EML1: variants seen among roughly 807,000 people sequenced by gnomAD.
The protein encoded by EML1 is echinoderm microtubule-associated protein-like 1.
Under a neutral mutation model 110.4 loss-of-function variants are expected in EML1, and 27 were observed. That is an observed-to-expected ratio of 0.24 (90% CI 0.18 to 0.34). EML1 has a LOEUF of 0.34. Among genes scored for constraint, EML1 ranks in the 10% least tolerant of loss-of-function variants. The pLI is 1.00. For synonymous variants in EML1, 344 were observed against 385.8 expected, an observed-to-expected ratio of 0.89 and a Z score of 1.27; for missense variants, 741 against 1,030.9, an observed-to-expected ratio of 0.72 and a Z score of 3.85.
chr14:99,821,177 C>T (rs561713841), intron 1 of EML1, among the ~76,000 whole-genome samples: 1 of 152,210 alleles, frequency 6.6e-6, no homozygotes, highest in South Asian at 2.1e-4. Flanking sequence ...CATGTGCCAC[C>T]ATGCCTGGCT....
At chr14:99,753,135 G>A (rs1169509606) in intron 1 of EML1, among the ~76,000 whole-genome samples, 1 of 151,312 alleles carries the variant, frequency 6.6e-6, no homozygotes, top group African/African-American at 2.4e-5. Flanking sequence ...AGACACCTGA[G>A]GTTGATGCCT....
intron 1 of EML1, among the ~76,000 whole-genome samples, chr14:99,848,941 C>G (rs2058746158): frequency 7.0e-6 from 1 of 143,212 alleles, no homozygotes; most frequent in Non-Finnish European, 1.5e-5. Context: ...GCAGCCTGGG[C>G]AACGGAGTAA....
At chr14:99,884,318 G>A (rs1029520526) in intron 4 of EML1, among the ~76,000 whole-genome samples, 5 of 152,204 alleles carry the variant, frequency 3.3e-5, no homozygotes, top group South Asian at 2.1e-4. Context: ...CCTGAAAAGC[G>A]AGGAATCAGA....
At chr14:99,864,760 G>A (rs954027040) in intron 2 of EML1, among the ~76,000 whole-genome samples, 2 of 148,800 alleles carry the variant, frequency 1.3e-5, no homozygotes, top group African/African-American at 5.0e-5. Context: ...GGCTGAGATT[G>A]TGCCACTGCA....
At chr14:99,801,353 T>C (rs1017078967) in intron 1 of EML1, among the ~76,000 whole-genome samples, 13 of 152,128 alleles carry the variant, frequency 8.5e-5, no homozygotes, top group African/African-American at 2.4e-4. Flanking sequence ...CGGTGGCTCA[T>C]GCCTGTAATC....
At position 99,787,264 on chromosome 14, in the gene EML1, G is replaced by C. The variant is rs145798378; in HGVS notation, c.-27+13251G>C. Among the ~76,000 whole-genome samples the C allele has an allele frequency of 4.4e-3, 589 of 135,238 alleles. 7 individuals are homozygous for C. The highest frequency in any genetic ancestry group is 0.016 in the African/African-American group (568 of 36,292). 88.7% of individuals were successfully genotyped at this position (135,238 alleles called of 152,430 possible). A position where few individuals can be genotyped will look rare whatever the true frequency, so the allele number is the denominator to read the frequency against. The stretch of plus-strand genomic sequence containing the variant: ...TGGAATAGTCAATTCTTGACTCTGA[G>C]ATTCTTTTTTTTTTTTTTTTTTTTT... On this transcript the variant is annotated intron_variant, in intron 1 of 22. Coordinates refer to the EML1 transcript ENST00000327921.
chr14:99,896,656 CAAAAT>C (rs1437541032), intron 6 of EML1, among the ~76,000 whole-genome samples: 8 of 151,770 alleles, frequency 5.3e-5, no homozygotes, highest in Admixed American at 3.9e-4. Context: ...ATTTTGTTCT[CAAAAT>C]AAAATAATTT....
chr14:99,909,141 G>A (rs2140045157), intron 10 of EML1, among the ~76,000 whole-genome samples: 2 of 152,338 alleles, frequency 1.3e-5, no homozygotes, highest in East Asian at 1.9e-4. Flanking sequence ...TCCAGTGGGG[G>A]AGACAGACAA....
At chr14:99,870,766 C>A (rs557953132) in intron 3 of EML1, among the ~76,000 whole-genome samples, 1 of 152,274 alleles carries the variant, frequency 6.6e-6, no homozygotes, top group Non-Finnish European at 1.5e-5. Context: ...ATATTCTTAG[C>A]CCATTGTTGA....
chr14:99,930,593 T>G (rs769034276), intron 17 of EML1, among the ~76,000 whole-genome samples: 49 of 152,230 alleles, frequency 3.2e-4, no homozygotes, highest in Admixed American at 1.6e-3. Flanking sequence ...TCACAACCAG[T>G]CAGCTAAGTG....
chr14:99,762,180 G>A (rs1206211494), intron 1 of EML1, among the ~76,000 whole-genome samples: 1 of 152,066 alleles, frequency 6.6e-6, no homozygotes, highest in African/African-American at 2.4e-5. Flanking sequence ...GTCTTCCTCT[G>A]TATCACAGGG....
At chr14:99,842,653 A>G (rs2058651038) in intron 1 of EML1, among the ~76,000 whole-genome samples, 1 of 152,022 alleles carries the variant, frequency 6.6e-6, no homozygotes. Context: ...TTAAAATCAA[A>G]CTTTTTCCTA....
intron 3 of EML1, among the ~76,000 whole-genome samples, chr14:99,866,949 G>A (rs957808339): frequency 6.6e-6 from 1 of 152,090 alleles, no homozygotes; most frequent in Non-Finnish European, 1.5e-5. Context: ...TTAATTTTAG[G>A]TTCAGGGGGT....
At chr14:99,810,266 T>A (rs142744155) in intron 1 of EML1, among the ~76,000 whole-genome samples, 2 of 152,208 alleles carry the variant, frequency 1.3e-5, no homozygotes, top group African/African-American at 4.8e-5. Context: ...GGAGACTCTG[T>A]TGACTTTGCT....
chr14:99,937,707 C>T (rs2060500506), intron 19 of EML1, 110 bp from the exon 20 acceptor site: 1 of 901,648 alleles, frequency 1.1e-6, no homozygotes, highest in African/African-American at 1.7e-5. Context: ...AGGTCTCCCT[C>T]TCCAGGAAGG....
At chr14:99,737,892 G>A in intron 1 of EML1, 2 of 1,287,084 alleles carry the variant, frequency 1.6e-6, no homozygotes, top group Non-Finnish European at 2.0e-6. Flanking sequence ...ACCCGCTGTG[G>A]CTCCGGTTGC....
intron 17 of EML1, among the ~76,000 whole-genome samples, chr14:99,935,653 C>T (rs1347821002): frequency 1.3e-5 from 2 of 151,814 alleles, no homozygotes; most frequent in Admixed American, 6.6e-5. Flanking sequence ...CGTGGTGGCA[C>T]GCACCTGTGG....
intron 1 of EML1, among the ~76,000 whole-genome samples, chr14:99,739,451 G>A (rs1024650865): frequency 6.6e-6 from 1 of 152,202 alleles, no homozygotes; most frequent in African/African-American, 2.4e-5. Flanking sequence ...CACTGAGCAT[G>A]CACGTGTGTG....
At chr14:99,790,866 C>CTT, upstream of EML1, among the ~76,000 whole-genome samples, 1 of 142,774 alleles carries the variant, frequency 7.0e-6, no homozygotes, top group Non-Finnish European at 1.5e-5. Flanking sequence ...TTTTCTTTTC[C>CTT]TTTTTTTTTG....
Sources: gnomAD v4.1 joint callset for allele counts (sites outside exome capture counted in the v4.1 genomes callset) on GRCh38, gnomAD v4.1.1 for gene constraint, MANE v1.5 for transcripts, NCBI Gene and HGNC (gene_info 2026-07-23, HGNC 2026-07-21) for gene names.